TBX19: variants seen among roughly 807,000 people sequenced by gnomAD.
TBX19 encodes the protein T-box transcription factor 19.
Under a neutral mutation model 40.9 loss-of-function variants are expected in TBX19, and 33 were observed. The observed-to-expected ratio is 0.81, with a 90% CI of 0.61 to 1.08. The LOEUF is 1.08. Ranked by LOEUF, TBX19 falls within the 50% of genes least tolerant of loss-of-function variation. The pLI is 0.00. For missense variants in TBX19, 494 were observed against 574.0 expected (o/e 0.86, Z 1.42); for synonymous variants, 220 against 225.0 (o/e 0.98, Z 0.20).
rs995202953 is a variant in TBX19 at position 168,304,402 on chromosome 1, G to C, written c.728-606G>C. Among the ~76,000 whole-genome samples the C allele has an allele frequency of 2.6e-5, 4 of 152,178 alleles. No homozygotes were observed. In the East Asian group the frequency reaches 5.8e-4, roughly 22 times the overall value. ...GCCACAGGTGGGGTTGGTGGGTCCA[G>C]GTGGAGCCACTGGTGTCAGATATGC... On this transcript the variant is annotated intron_variant, in intron 5 of 7. Transcript: ENST00000367821.
At position 168,281,074 on chromosome 1, in the gene TBX19, A is replaced by G; in HGVS notation, c.-17A>G. The G allele has an allele frequency of 6.2e-7, 1 of 1,613,876 alleles. No homozygotes were observed. On this transcript the variant is annotated 5_prime_UTR_variant, in exon 1 of 8. Transcript: ENST00000367821. The stretch of plus-strand genomic sequence containing the variant: ...GCAAGTTGGGTAACGGCTCTCGGCA[A>G]AGTTCGAGAAGTGCCTATGGCCATG...
chr1:168,290,491 A>G (rs1228942249), intron 1 of TBX19, among the ~76,000 whole-genome samples: 1 of 152,240 alleles, frequency 6.6e-6, no homozygotes, highest in Non-Finnish European at 1.5e-5. Flanking sequence ...GGCATCCTGG[A>G]GGAAAGAACT....
Position 168,308,760 on chromosome 1 carries a change from C to T in TBX19, c.935C>T (p.Ser312Leu). Reference protein sequence around the residue: ...HSPSVNLIESSSNNLQVFSGP... With the variant: ...HSPSVNLIESLSNNLQVFSGP... ...CCCCAAGTGAATTTGATAGAAAGCT[C>T]AAGCAATAATCTGCAAGTTTTCTCG... The change falls in exon 7 of 8, where the codon TCA (serine) becomes TTA (leucine). Residue 312 changes from serine (S) to leucine (L), a missense_variant. Transcript: ENST00000367821. The T allele has an allele frequency of 4.3e-6, 7 of 1,614,120 alleles. No individual in the cohort carries two copies. The highest frequency in any genetic ancestry group is 5.9e-6 in the Non-Finnish European group (7 of 1,180,032).
intron 1 of TBX19, among the ~76,000 whole-genome samples, chr1:168,286,350 C>T (rs1265595419): frequency 6.6e-6 from 1 of 152,224 alleles, no homozygotes; most frequent in Non-Finnish European, 1.5e-5. Flanking sequence ...AATTTTAGAA[C>T]ATTTTTATTG....
chr1:168,285,299 A>T (rs867072368), intron 1 of TBX19, among the ~76,000 whole-genome samples: 10 of 132,384 alleles, frequency 7.6e-5, no homozygotes, highest in African/African-American at 2.8e-4. Context: ...ACACACACAC[A>T]CCCCTCTAAA....
chr1:168,286,105 C>CA (rs1475272232), intron 1 of TBX19, among the ~76,000 whole-genome samples: 2 of 151,960 alleles, frequency 1.3e-5, no homozygotes, highest in Non-Finnish European at 2.9e-5. Flanking sequence ...GTGATAAAAA[C>CA]AAAAAATAAT....
chr1:168,309,606 C>T (rs371716891), intron 7 of TBX19, among the ~76,000 whole-genome samples: 60 of 152,246 alleles, frequency 3.9e-4, no homozygotes, highest in African/African-American at 1.2e-3. Context: ...CCTGGCCTCA[C>T]GACCCTGGTA....
chr1:168,300,429 C>G lies in TBX19; in HGVS notation c.673C>G (p.Leu225Val). Residue 225 changes from leucine (L) to valine (V), a missense_variant, in exon 5 of 8, where the codon CTA becomes GTA. Leu to Val is a conservative substitution (Grantham distance 32). This residue lies in a region of TBX19 where 284 missense variants were observed against 307.3 expected (regional missense o/e 0.92). Coordinates refer to ENST00000367821, the MANE Select transcript of TBX19 (RefSeq NM_005149.3). ...AFLDAKERNH[L>V]RDVPEAISES... Reference sequence around the variant, plus strand: ...TTTTCTTTACTCTTTCAGAAATCACCTAAGAGACGTACCGGAGGCTATCTC... The same window carrying G: ...TTTTCTTTACTCTTTCAGAAATCACGTAAGAGACGTACCGGAGGCTATCTC... 1 of 1,614,042 alleles carries G rather than the reference C, an allele frequency of 6.2e-7. No homozygotes were observed. Among genetic ancestry groups the G allele is most frequent in the Non-Finnish European group, 8.5e-7 (1 of 1,180,006 alleles).
At chr1:168,290,103 A>G (rs1354554207) in intron 1 of TBX19, among the ~76,000 whole-genome samples, 2 of 152,158 alleles carry the variant, frequency 1.3e-5, no homozygotes, top group East Asian at 1.9e-4. Flanking sequence ...AGGCTGAGGC[A>G]GGAGAATCAC....
At chr1:168,283,813 C>G in intron 1 of TBX19, among the ~76,000 whole-genome samples, 1 of 152,122 alleles carries the variant, frequency 6.6e-6, no homozygotes, top group Non-Finnish European at 1.5e-5. Context: ...GTCACCTTGA[C>G]TTTTTAAAAA....
Position 168,313,212 on chromosome 1 carries a change from C to T in TBX19, c.*210C>T. Reference sequence around the variant, plus strand: ...TGCATCTCTCCACCATTTTCTTCTGCACTCCCATTTTCTCTGCAGCTTATT... The same window carrying T: ...TGCATCTCTCCACCATTTTCTTCTGTACTCCCATTTTCTCTGCAGCTTATT... On this transcript the variant is annotated 3_prime_UTR_variant, in exon 8 of 8. Transcript: ENST00000367821. 6.3e-6 allele frequency: 4 copies of T among 631,152 alleles called. No homozygotes were observed. The highest frequency in any genetic ancestry group is 8.3e-6 in the Non-Finnish European group (3 of 362,524). 39.1% of individuals were successfully genotyped at this position (631,152 alleles called of 1,614,324 possible).
chr1:168,281,126 C>T lies in TBX19; in HGVS notation c.36C>T (p.Ser12=), dbSNP rs144173772. The T allele has an allele frequency of 3.2e-5, 51 of 1,614,104 alleles. No individual in the cohort carries two copies. The highest frequency in any genetic ancestry group is 1.1e-4 in the South Asian group (10 of 91,066). ...GTGAGCTGGGCACTCGGAAGCCCAG[C>T]GATGGCACTGTTTCTCATCTGCTCA... is the stretch of plus-strand genomic sequence containing the variant. The part of the protein sequence containing the change: ...AMSELGTRKP[S]DGTVSHLLNV... The change falls in exon 1 of 8, where the codon AGC becomes AGT. Residue 12 remains serine, a synonymous_variant. Transcript: ENST00000367821.
rs1649353737 is a variant in TBX19, at chr1:168,304,503, G to A, written c.728-505G>A. 2.6e-5 allele frequency among the ~76,000 whole-genome samples: 4 copies of A among 152,198 alleles called. No homozygotes were observed. The South Asian group carries it at 8.3e-4, about 31-fold the overall frequency. On this transcript the variant is annotated intron_variant, in intron 5 of 7. Transcript: ENST00000367821. ...TGATGTTATCTGCAGGAGTAATTGG[G>A]AAAGTTGCGTATATTGTAAAGTCTG...
chr1:168,312,015 A>C (rs572432692), intron 7 of TBX19, among the ~76,000 whole-genome samples: 1 of 152,352 alleles, frequency 6.6e-6, no homozygotes, highest in Admixed American at 6.5e-5. Flanking sequence ...CTACAGAACT[A>C]GAGAAGGCAA....
intron 1 of TBX19, among the ~76,000 whole-genome samples, chr1:168,287,931 A>G (rs1415184071): frequency 6.6e-6 from 1 of 152,044 alleles, no homozygotes. Context: ...ATGAAATGTA[A>G]TGTGTGCTTT....
chr1:168,300,286 A>C, intron 4 of TBX19, 136 bp from the exon 5 acceptor site: 1 of 806,402 alleles, frequency 1.2e-6, no homozygotes, highest in Non-Finnish European at 2.1e-6. Flanking sequence ...GGGGAAGGAC[A>C]GGAGCTTAGG....
At chr1:168,283,210 T>C (rs1028960389) in intron 1 of TBX19, among the ~76,000 whole-genome samples, 2 of 152,228 alleles carry the variant, frequency 1.3e-5, no homozygotes, top group African/African-American at 4.8e-5. Context: ...CGTCATTTAA[T>C]ATTAGCTACA....
At chr1:168,289,372 G>T (rs116508518) in intron 1 of TBX19, among the ~76,000 whole-genome samples, 2,356 of 152,244 alleles carry the variant, frequency 0.015, 53 homozygotes, top group African/African-American at 0.053. Context: ...ATTGAAGAAA[G>T]AACAAAAGAA....
Position 168,313,062 on chromosome 1 carries a change from C to T in TBX19, c.*60C>T. The T allele has an allele frequency of 2.5e-6, 4 of 1,593,936 alleles. No homozygotes were observed. Among genetic ancestry groups the T allele is most frequent in the Non-Finnish European group, 3.4e-6 (4 of 1,162,932 alleles). ...TTCCATGTGTAGAGTGCTTAGAAAC[C>T]CCATCAACTGATCTAGTGAGTCAGA... On this transcript the variant is annotated 3_prime_UTR_variant, in exon 8 of 8. Transcript: ENST00000367821.
Sources: gnomAD v4.1 joint callset for allele counts (sites outside exome capture counted in the v4.1 genomes callset) on GRCh38, gnomAD v4.1.1 for gene constraint, gnomAD v4.1.1 regional missense constraint, MANE v1.5 for transcripts, NCBI Gene and HGNC (gene_info 2026-07-23, HGNC 2026-07-21) for gene names.